The following FBLN2 variants were observed in gnomAD, a reference collection of about 807,000 sequenced individuals.
FBLN2 encodes the protein fibulin 2, also known as fibulin-2.
In FBLN2, 81 loss-of-function variants were observed where a neutral mutation model predicts 123.7. The observed-to-expected ratio is 0.65, with a 90% CI of 0.55 to 0.79. FBLN2 has a LOEUF of 0.79. Among genes scored for constraint, FBLN2 ranks in the 30% least tolerant of loss-of-function variants. FBLN2 has a pLI of 0.00. For synonymous variants in FBLN2, 699 were observed against 701.4 expected, an observed-to-expected ratio of 1.00 and a Z score of 0.05; for missense variants, 1,603 against 1,681.3, an observed-to-expected ratio of 0.95 and a Z score of 0.81.
At chr3:13,556,974 G>A (rs995201011) in intron 1 of FBLN2, among the ~76,000 whole-genome samples, 1 of 152,246 alleles carries the variant, frequency 6.6e-6, no homozygotes, top group Non-Finnish European at 1.5e-5. Context: ...GCCTTTCTCT[G>A]TGAGCCTGGT....
At chr3:13,619,109 G>GT (rs1705749988) in intron 7 of FBLN2, 92 bp downstream of exon 7, 6 of 902,378 alleles carry the variant, frequency 6.6e-6, no homozygotes, top group Non-Finnish European at 1.0e-5. Context: ...CTGGTGCTGG[G>GT]TATGTGCAAG....
Position 13,571,196 on chromosome 3 carries a change from G to A in FBLN2, c.841G>A (p.Glu281Lys), listed in dbSNP as rs1468865942. ...RRVTEDSEEEEEEEEEREEMA... is the reference protein window; with the variant it reads ...RRVTEDSEEEKEEEEEREEMA... The stretch of plus-strand genomic sequence containing the variant: ...AGTGACCGAGGACAGTGAGGAGGAA[G>A]AAGAGGAGGAGGAGGAGAGAGAGGA... The change falls in exon 2 of 18, where the codon GAA (glutamate) becomes AAA (lysine). Residue 281 changes from glutamate (E) to lysine (K), a missense_variant. Physicochemically the swap from Glu to Lys is moderately conservative, Grantham distance 56. Transcript: ENST00000404922. 1 of 1,570,106 alleles carries A rather than the reference G, an allele frequency of 6.4e-7. No individual in the cohort carries two copies. Among genetic ancestry groups the A allele is most frequent in the Admixed American group, 1.9e-5 (1 of 52,576 alleles).
intron 4 of FBLN2, 25 bp downstream of exon 4, chr3:13,609,667 G>A (rs1435048912): frequency 1.3e-6 from 2 of 1,521,142 alleles, no homozygotes; most frequent in Non-Finnish European, 1.8e-6. Flanking sequence ...TGGCCTTCAA[G>A]GCAGGGTGGG....
intron 2 of FBLN2, among the ~76,000 whole-genome samples, chr3:13,597,836 T>A (rs1047207447): frequency 6.6e-6 from 1 of 152,224 alleles, no homozygotes; most frequent in Non-Finnish European, 1.5e-5. Flanking sequence ...GCCCTGATGC[T>A]GTGAAGTCAA....
At chr3:13,634,792 C>T (rs893000101) in intron 16 of FBLN2, among the ~76,000 whole-genome samples, 3 of 152,228 alleles carry the variant, frequency 2.0e-5, no homozygotes, top group Admixed American at 1.3e-4. Flanking sequence ...GAGTCTGAGG[C>T]GGTCCGGGGG....
At chr3:13,568,553 A>G (rs1463389154) in intron 1 of FBLN2, among the ~76,000 whole-genome samples, 2 of 152,156 alleles carry the variant, frequency 1.3e-5, no homozygotes. Context: ...CTCTGCAGTT[A>G]CCACCCGTGT....
intron 17 of FBLN2, among the ~76,000 whole-genome samples, 163 bp from the exon 18 acceptor site, chr3:13,637,399 G>A (rs541654094): frequency 3.3e-5 from 5 of 152,324 alleles, no homozygotes; most frequent in African/African-American, 1.2e-4. Flanking sequence ...CGCAGGCAAG[G>A]AAACTGAGAC....
At chr3:13,608,215 C>T in intron 3 of FBLN2, 42 bp downstream of exon 3, 1 of 1,445,226 alleles carries the variant, frequency 6.9e-7, no homozygotes, top group Non-Finnish European at 9.5e-7. Context: ...GCCCATTTGC[C>T]TTCTCCAGAA....
chr3:13,614,267 A>G, intron 5 of FBLN2, 103 bp downstream of exon 5: 7 of 1,156,244 alleles, frequency 6.1e-6, no homozygotes, highest in Non-Finnish European at 8.4e-6. Flanking sequence ...GGCTTGAGAC[A>G]CAAGTTCTGC....
chr3:13,635,047 C>T lies in FBLN2; in HGVS notation c.3215-1398C>T, dbSNP rs556548382. On this transcript the variant is annotated intron_variant, in intron 16 of 17. Coordinates refer to ENST00000404922, the MANE Select transcript of FBLN2 (RefSeq NM_001004019.2). ...GGCATCAGGCATGCCTGACTTGCTGCCCCGCTCGCTGCTGTGTGATCTTGA... is the reference window on the plus strand; with the variant it reads ...GGCATCAGGCATGCCTGACTTGCTGTCCCGCTCGCTGCTGTGTGATCTTGA... Among the ~76,000 whole-genome samples the T allele has an allele frequency of 2.2e-3, 339 of 152,304 alleles. 1 individual carries two copies. The highest frequency in any genetic ancestry group is 7.9e-3 in the African/African-American group (329 of 41,564).
At position 13,626,572 on chromosome 3, in the gene FBLN2, G is replaced by C; in HGVS notation, c.2424G>C (p.Glu808Asp). The change falls in exon 10 of 18, where the codon GAG (glutamate) becomes GAC (aspartate). Residue 808 changes from glutamate (E) to aspartate (D), a missense_variant. Transcript: ENST00000404922. ...CEPGYALKDG[E>D]CEDVDECAMG... is the part of the protein sequence containing the mutation. ...CAGGCTATGCCCTCAAGGATGGCGA[G>C]TGCGAAGGTGAGAAGGGCCCAGAAG... is the stretch of plus-strand genomic sequence containing the variant. The C allele has an allele frequency of 6.5e-7, 1 of 1,546,512 alleles. No individual in the cohort carries two copies. Among genetic ancestry groups the C allele is most frequent in the Non-Finnish European group, 8.7e-7 (1 of 1,143,552 alleles).
At chr3:13,560,976 AC>A (rs375255765) in intron 1 of FBLN2, among the ~76,000 whole-genome samples, 5 of 151,972 alleles carry the variant, frequency 3.3e-5, no homozygotes, top group Middle Eastern at 3.4e-3. Context: ...AGGGAAAAAA[AC>A]ACAAACATAC....
intron 1 of FBLN2, among the ~76,000 whole-genome samples, chr3:13,558,239 G>A (rs1478236995): frequency 6.6e-6 from 1 of 152,104 alleles, no homozygotes; most frequent in Non-Finnish European, 1.5e-5. Context: ...GTCTGTCTCT[G>A]GCTGTCTGCT....
intron 13 of FBLN2, 88 bp from the exon 14 acceptor site, chr3:13,629,725 ACTTAGCC>A: frequency 6.8e-7 from 1 of 1,470,416 alleles, no homozygotes; most frequent in Non-Finnish European, 9.1e-7. Context: ...TCCCTCTCCC[ACTTAGCC>A]TCCCCTTCGG....
rs1705490084 is a variant in FBLN2 at position 13,613,984 on chromosome 3, C to G, written c.1549C>G (p.Gln517Glu). The G allele has an allele frequency of 7.4e-6, 12 of 1,611,408 alleles. No homozygotes were observed. In the African/African-American group the frequency reaches 8.0e-5, roughly 11 times the overall value. The change falls in exon 5 of 18, where the codon CAA becomes GAA. Residue 517 changes from glutamine (Q) to glutamate (E), a missense_variant and splice_region_variant. Physicochemically the swap from Gln to Glu is conservative, Grantham distance 29. Transcript: ENST00000404922. The part of the protein sequence containing the change: ...NDSCGISLYK[Q>E]CCDCCGLGLR... ...CAGTGATAACTGTCTCTCCCTGCAG[C>G]AATGCTGTGACTGCTGTGGCCTGGG...
intron 9 of FBLN2, among the ~76,000 whole-genome samples, chr3:13,625,360 C>G (rs1706000874): frequency 6.6e-6 from 1 of 152,180 alleles, no homozygotes; most frequent in African/African-American, 2.4e-5. Flanking sequence ...CTGCTTATCC[C>G]TGGAATCTCC....
At chr3:13,549,782 C>G (rs1417890848) in intron 1 of FBLN2, among the ~76,000 whole-genome samples, 1 of 152,016 alleles carries the variant, frequency 6.6e-6, no homozygotes, top group African/African-American at 2.4e-5. Flanking sequence ...CCACATCCTC[C>G]CTCTCCCAGC....
In FBLN2 at chr3:13,631,295, G is replaced by A. The variant is rs574949113; in HGVS notation, c.3086-34G>A. 3.6e-5 allele frequency: 58 copies of A among 1,589,988 alleles called. No homozygotes were observed. In the East Asian group the frequency reaches 1.0e-3, roughly 28 times the overall value. On this transcript the variant is annotated intron_variant, in intron 15 of 17. Coordinates refer to ENST00000404922, the MANE Select transcript of FBLN2 (RefSeq NM_001004019.2). ...CAGTGGCTGGGCTCTGTGGGTGGAC[G>A]AGGTTCACCAGGGGCTGAACCTCTC...
At chr3:13,625,723 C>G (rs1378831265) in intron 9 of FBLN2, among the ~76,000 whole-genome samples, 2 of 151,986 alleles carry the variant, frequency 1.3e-5, no homozygotes, top group Non-Finnish European at 2.9e-5. Context: ...GTAGTCCGAG[C>G]CACTGAATCT....
Sources: gnomAD v4.1 joint callset for allele counts (sites outside exome capture counted in the v4.1 genomes callset) on GRCh38, gnomAD v4.1.1 for gene constraint, MANE v1.5 for transcripts, NCBI Gene and HGNC (gene_info 2026-07-23, HGNC 2026-07-21) for gene names.